VTI1A: variants seen among roughly 807,000 people sequenced by gnomAD.
VTI1A encodes vesicle transport through interaction with t-SNAREs 1A.
A neutral mutation model predicts 34.9 loss-of-function variants in VTI1A; 22 were observed. The ratio of observed to expected loss-of-function variants is 0.63; its 90% confidence interval spans 0.45 to 0.90. The LOEUF is 0.90. Ranked by LOEUF, VTI1A falls within the 40% of genes least tolerant of loss-of-function variation. The pLI is 0.00. For synonymous variants in VTI1A, 87 were observed against 97.3 expected (o/e 0.89, Z 0.62); for missense variants, 268 against 275.6 (o/e 0.97, Z 0.20).
chr10:112,548,890 AT>A (rs1564822659), intron 5 of VTI1A: 14 of 1,249,524 alleles, frequency 1.1e-5, no homozygotes, highest in Middle Eastern at 2.7e-4. Flanking sequence ...TTAAAAAATC[AT>A]TTTAGAAGTT....
At chr10:112,715,217 A>C (rs1849563898) in intron 7 of VTI1A, among the ~76,000 whole-genome samples, 1 of 152,182 alleles carries the variant, frequency 6.6e-6, no homozygotes, top group Non-Finnish European at 1.5e-5. Flanking sequence ...GAAAAACCAC[A>C]AATTACTGAA....
At chr10:112,490,166 T>G (rs1227070567) in intron 3 of VTI1A, among the ~76,000 whole-genome samples, 1 of 152,214 alleles carries the variant, frequency 6.6e-6, no homozygotes, top group East Asian at 1.9e-4. Context: ...CATGGTAAAT[T>G]ATTGGATCTC....
intron 3 of VTI1A, among the ~76,000 whole-genome samples, chr10:112,473,725 T>C (rs1243367740): frequency 6.6e-6 from 1 of 152,160 alleles, no homozygotes; most frequent in Non-Finnish European, 1.5e-5. Flanking sequence ...GTGTTCTTTC[T>C]CCATATTTTC....
intron 7 of VTI1A, among the ~76,000 whole-genome samples, chr10:112,681,383 G>C (rs1331732567): frequency 6.6e-6 from 1 of 152,142 alleles, no homozygotes; most frequent in Non-Finnish European, 1.5e-5. Flanking sequence ...GCCCAGCCAG[G>C]AGCCTTCAGC....
chr10:112,584,033 G>A (rs934270149), intron 5 of VTI1A, among the ~76,000 whole-genome samples: 12 of 152,136 alleles, frequency 7.9e-5, no homozygotes, highest in Non-Finnish European at 1.8e-4. Context: ...TTGTGTCAAA[G>A]TTCAGATCTA....
chr10:112,714,035 C>G (rs780371973), intron 7 of VTI1A, among the ~76,000 whole-genome samples: 4 of 152,166 alleles, frequency 2.6e-5, no homozygotes, highest in Admixed American at 6.5e-5. Flanking sequence ...TTTTAGCATT[C>G]TAGGTCTCCC....
Position 112,715,401 on chromosome 10 carries a change from T to C in VTI1A, c.560+46403T>C, listed in dbSNP as rs139070247. On this transcript the variant is annotated intron_variant, in intron 7 of 7. Coordinates refer to ENST00000393077, the MANE Select transcript of VTI1A (RefSeq NM_145206.4). ...CACAGTTTTACAGAAAAAAAATTGT[T>C]TTTATGGTGCCAGGTTTGTGGAGTC... 5.2e-3 allele frequency among the ~76,000 whole-genome samples: 797 copies of C among 152,270 alleles called. 7 individuals carry two copies. The highest frequency in any genetic ancestry group is 0.018 in the African/African-American group (767 of 41,548).
intron 7 of VTI1A, among the ~76,000 whole-genome samples, chr10:112,780,903 C>T (rs149087063): frequency 2.6e-5 from 4 of 152,238 alleles, no homozygotes; most frequent in South Asian, 2.1e-4. Context: ...CCTGGAATCC[C>T]TTTCTCATTC....
intron 7 of VTI1A, among the ~76,000 whole-genome samples, chr10:112,715,233 A>T (rs989424775): frequency 1.3e-5 from 2 of 152,196 alleles, no homozygotes; most frequent in Non-Finnish European, 2.9e-5. Flanking sequence ...CTGAATTTTA[A>T]TACTTCCTGA....
chr10:112,812,521 A>G (rs552281632), intron 7 of VTI1A, among the ~76,000 whole-genome samples: 1 of 152,278 alleles, frequency 6.6e-6, no homozygotes, highest in South Asian at 2.1e-4. Context: ...GGGCCCACCA[A>G]TGCCAGCCTG....
chr10:112,783,401 GCA>G lies in VTI1A; in HGVS notation c.561-31865_561-31864del, dbSNP rs58560251. On this transcript the variant is annotated intron_variant, in intron 7 of 7. Transcript: ENST00000393077. Reference sequence around the variant, plus strand: ...TGTATGTGCATGCCCGCGTGCACGTGCACACACACACACACACACACACACTG... The same window carrying G: ...TGTATGTGCATGCCCGCGTGCACGTGCACACACACACACACACACACACTG... Among the ~76,000 whole-genome samples the G allele has an allele frequency of 3.3e-3, 502 of 150,366 alleles. 3 individuals are homozygous for G. Among genetic ancestry groups the G allele is most frequent in the African/African-American group, 0.011 (438 of 41,038 alleles).
intron 4 of VTI1A, among the ~76,000 whole-genome samples, chr10:112,534,764 A>T (rs181483770): frequency 5.3e-5 from 8 of 152,316 alleles, no homozygotes; most frequent in African/African-American, 1.9e-4. Context: ...GATGTATAAG[A>T]TTATTCTTGA....
chr10:112,710,359 C>G (rs1398330733), intron 7 of VTI1A, among the ~76,000 whole-genome samples: 1 of 151,938 alleles, frequency 6.6e-6, no homozygotes, highest in Non-Finnish European at 1.5e-5. Flanking sequence ...AAGCGTGCAC[C>G]ACCACGCTGC....
intron 7 of VTI1A, among the ~76,000 whole-genome samples, chr10:112,690,109 AT>A (rs1343752416): frequency 7.9e-5 from 12 of 151,758 alleles, no homozygotes; most frequent in Admixed American, 7.9e-4. Context: ...ATTCCTTTTA[AT>A]TGCTGAGTAA....
intron 3 of VTI1A, among the ~76,000 whole-genome samples, chr10:112,518,282 A>T (rs1422239547): frequency 1.3e-5 from 2 of 152,050 alleles, no homozygotes; most frequent in Non-Finnish European, 1.5e-5. Flanking sequence ...GATGACCTTG[A>T]GCGGTAGGAT....
chr10:112,618,489 T>TTATATATATATA (rs1209916722), intron 5 of VTI1A, among the ~76,000 whole-genome samples: 3 of 74,364 alleles, frequency 4.0e-5, no homozygotes, highest in African/African-American at 6.7e-5. Context: ...AATGATTATA[T>TTATATATATATA]TATATATATA....
rs147826059 is a variant in VTI1A at position 112,570,908 on chromosome 10, A to G, written c.427+32578A>G. On this transcript the variant is annotated intron_variant, in intron 5 of 7. Coordinates refer to ENST00000393077, the MANE Select transcript of VTI1A (RefSeq NM_145206.4). ...GAGTGGTTACTGTGTGCCTGGCACC[A>G]TGTTAAAGAGTTTACATAGATTATT... Among the ~76,000 whole-genome samples, 918 of 152,374 alleles carry G rather than the reference A, an allele frequency of 6.0e-3. 13 individuals are homozygous for G. Among genetic ancestry groups the G allele is most frequent in the African/African-American group, 0.021 (873 of 41,596 alleles).
At chr10:112,740,242 C>T (rs1252659269) in intron 7 of VTI1A, among the ~76,000 whole-genome samples, 2 of 152,184 alleles carry the variant, frequency 1.3e-5, no homozygotes, top group African/African-American at 4.8e-5. Flanking sequence ...TTCACAAATA[C>T]TGGCCATGGG....
At chr10:112,594,267 T>A (rs556970530) in intron 5 of VTI1A, among the ~76,000 whole-genome samples, 1 of 152,284 alleles carries the variant, frequency 6.6e-6, no homozygotes. Flanking sequence ...CCTCTAAACA[T>A]TTGAGCTCAT....
Sources: gnomAD v4.1 joint callset for allele counts (sites outside exome capture counted in the v4.1 genomes callset) on GRCh38, gnomAD v4.1.1 for gene constraint, MANE v1.5 for transcripts, NCBI Gene and HGNC (gene_info 2026-07-23, HGNC 2026-07-21) for gene names.